Variants in ADGRG4 observed in about 807,000 individuals in gnomAD.
ADGRG4 encodes G protein-coupled receptor 112.
In ADGRG4, 122 loss-of-function variants were observed where a neutral mutation model predicts 126.2. That is an observed-to-expected ratio of 0.97 (90% CI 0.83 to 1.12). The LOEUF (loss-of-function observed/expected upper bound fraction) is 1.12. Among genes scored for constraint, ADGRG4 ranks in the 50% most tolerant of loss-of-function variants. The probability of loss-of-function intolerance (pLI) is 0.00; values close to 1 mark genes in which losing one functional copy is unlikely to be tolerated. For synonymous variants in ADGRG4, 943 were observed against 838.7 expected (o/e 1.12, Z -2.15); for missense variants, 2,481 against 2,251.8 (o/e 1.10, Z -2.06).
chrX:136,322,222 G>A (rs1036804081), intron 4 of ADGRG4, among the ~76,000 whole-genome samples: 1 of 111,488 alleles, frequency 9.0e-6, no homozygotes, highest in Non-Finnish European at 1.9e-5. Flanking sequence ...TTTCAGTATC[G>A]CCCAGCTGGT....
At chrX:136,376,095 T>C (rs957108224) in intron 15 of ADGRG4, among the ~76,000 whole-genome samples, 24 of 111,939 alleles carry the variant, frequency 2.1e-4, no homozygotes, top group Non-Finnish European at 4.5e-4. Context: ...GGGATGGGGA[T>C]CCAGTTTCAT....
chrX:136,316,400 AAAAC>A (rs2074805107), intron 4 of ADGRG4, among the ~76,000 whole-genome samples: 1 of 111,605 alleles, frequency 9.0e-6, no homozygotes, highest in Admixed American at 9.5e-5. Context: ...CTGAAAAAAA[AAAAC>A]AAACCATTCA....
At chrX:136,334,120 CTTTCTTTCTTT>C (rs2074934086) in intron 5 of ADGRG4, among the ~76,000 whole-genome samples, 1 of 94,234 alleles carries the variant, frequency 1.1e-5, no homozygotes, top group Non-Finnish European at 2.1e-5. Context: ...TTCTTTCTTT[CTTTCTTTCTTT>C]CTTTCTTTTT....
At position 136,344,746 on chromosome X, in the gene ADGRG4, C is replaced by A; in HGVS notation, c.1040C>A (p.Ser347Tyr). The change falls in exon 6 of 26, where the codon TCT (serine) becomes TAT (tyrosine). Residue 347 changes from serine to tyrosine, a missense_variant. Physicochemically the swap from Ser to Tyr is moderately radical, Grantham distance 144. Coordinates refer to ENST00000394143, the MANE Select transcript of ADGRG4 (RefSeq NM_153834.4). ...TNSMKKTKSP[S>Y]SESTKTTKMV... ...TCCATGAAAAAAACGAAATCTCCATCTTCAGAAAGCACAAAGACAACAAAA... is the reference window on the plus strand; with the variant it reads ...TCCATGAAAAAAACGAAATCTCCATATTCAGAAAGCACAAAGACAACAAAA... 8.3e-7 allele frequency: 1 copy of A among 1,210,096 alleles called. No individual in the cohort carries two copies.
intron 15 of ADGRG4, among the ~76,000 whole-genome samples, chrX:136,373,809 T>A (rs2148482549): frequency 9.1e-6 from 1 of 110,150 alleles, no homozygotes; most frequent in East Asian, 2.9e-4. Context: ...CACAAAAAAA[T>A]TAAAAAATTA....
chrX:136,380,648 CT>C (rs1285568290), intron 15 of ADGRG4, among the ~76,000 whole-genome samples: 22 of 80,857 alleles, frequency 2.7e-4, no homozygotes, highest in East Asian at 1.3e-3. Flanking sequence ...TCTTCTTCTT[CT>C]TCCTCCTCCT....
Position 136,416,506 on chromosome X carries a change from C to A in ADGRG4, c.*15C>A. On this transcript the variant is annotated 3_prime_UTR_variant, in exon 26 of 26. Transcript: ENST00000394143. Reference sequence around the variant, plus strand: ...CCTCTCCTTGATTTGTGAAGTTGTGCCTAATTATGTAAAAAGAATATAATA... The same window carrying A: ...CCTCTCCTTGATTTGTGAAGTTGTGACTAATTATGTAAAAAGAATATAATA... 8.7e-7 allele frequency: 1 copy of A among 1,152,473 alleles called. No homozygotes were observed. The highest frequency in any genetic ancestry group is 1.2e-6 in the Non-Finnish European group (1 of 845,057). 95.0% of individuals were successfully genotyped at this position (1,152,473 alleles called of 1,213,427 possible).
At chrX:136,330,944 C>G (rs2074905867) in intron 5 of ADGRG4, among the ~76,000 whole-genome samples, 1 of 110,897 alleles carries the variant, frequency 9.0e-6, no homozygotes, top group Non-Finnish European at 1.9e-5. Context: ...CTTATTCTTT[C>G]TAACTTTTTT....
rs372128568 is a variant in ADGRG4, at chrX:136,361,633, T to A, written c.7277+46T>A. 91 of 1,001,826 alleles carry A rather than the reference T, an allele frequency of 9.1e-5. No homozygotes were observed. In the African/African-American group the frequency reaches 1.3e-3, roughly 14 times the overall value. The allele number at this position is 1,001,826 out of a possible 1,213,427, so 82.6% of individuals were successfully genotyped here. A position where few individuals can be genotyped will look rare whatever the true frequency, so the allele number is the denominator to read the frequency against. ...AATTGCTGATTCAGATATACAAAGA[T>A]CTACCTAATTGGGGACATGTTTCTA... is the stretch of plus-strand genomic sequence containing the variant. On this transcript the variant is annotated intron_variant, in intron 12 of 25. Coordinates refer to ENST00000394143, the MANE Select transcript of ADGRG4 (RefSeq NM_153834.4).
intron 22 of ADGRG4, 85 bp downstream of exon 22, chrX:136,403,407 T>A: frequency 1.4e-6 from 1 of 736,881 alleles, no homozygotes; most frequent in Non-Finnish European, 2.1e-6. Context: ...GGGATTGGTC[T>A]TGACCCTTGG....
intron 15 of ADGRG4, among the ~76,000 whole-genome samples, chrX:136,381,526 G>A (rs1477658147): frequency 9.0e-6 from 1 of 111,541 alleles, no homozygotes; most frequent in Non-Finnish European, 1.9e-5. Flanking sequence ...ACCCCACCAA[G>A]CCTGAGATAT....
At chrX:136,392,167 T>C (rs1320993906) in intron 16 of ADGRG4, 65 bp from the exon 17 acceptor site, 3 of 965,898 alleles carry the variant, frequency 3.1e-6, no homozygotes, top group East Asian at 6.5e-5. Flanking sequence ...AAATTCCAGA[T>C]TGATTATTAA....
rs773161666 is a variant in ADGRG4, at chrX:136,359,372, A to G, written c.7061A>G (p.His2354Arg). Residue 2354 changes from histidine (H) to arginine (R), a missense_variant, in exon 11 of 26, where the codon CAT (histidine) becomes CGT (arginine). By Grantham distance (29) the His-to-Arg change is conservative. Coordinates refer to ENST00000394143, the MANE Select transcript of ADGRG4 (RefSeq NM_153834.4). The stretch of plus-strand genomic sequence containing the variant: ...ATGAGAAAAATCAAAAGTAAAATAC[A>G]TGGCAACTTCACACATGGAAACTTC... ...ELMRKIKSKI[H>R]GNFTHGNFTQ... The G allele has an allele frequency of 8.3e-7, 1 of 1,206,243 alleles. No homozygotes were observed. Among genetic ancestry groups the G allele is most frequent in the Admixed American group, 2.2e-5 (1 of 45,957 alleles).
At chrX:136,324,846 C>T (rs1569316901) in intron 5 of ADGRG4, among the ~76,000 whole-genome samples, 1 of 111,974 alleles carries the variant, frequency 8.9e-6, no homozygotes, top group Non-Finnish European at 1.9e-5. Flanking sequence ...AGGCGTCCCT[C>T]TTCCTTTTAG....
chrX:136,404,700 T>C (rs1384138407), intron 22 of ADGRG4, among the ~76,000 whole-genome samples: 2 of 112,347 alleles, frequency 1.8e-5, no homozygotes, highest in Non-Finnish European at 3.8e-5. Flanking sequence ...GAGGTGATTC[T>C]CTACCCAAAC....
chrX:136,399,196 G>A (rs996928188), intron 20 of ADGRG4, among the ~76,000 whole-genome samples: 2 of 111,393 alleles, frequency 1.8e-5, no homozygotes, highest in African/African-American at 3.3e-5. Context: ...GATCTGTGTC[G>A]AAGTTCCACA....
At chrX:136,370,262 G>A (rs373944487) in intron 13 of ADGRG4, among the ~76,000 whole-genome samples, 1 of 111,827 alleles carries the variant, frequency 8.9e-6, no homozygotes, top group Non-Finnish European at 1.9e-5. Flanking sequence ...CTTAACAAAT[G>A]GTATTTTTTA....
chrX:136,365,550 T>A lies in ADGRG4; in HGVS notation c.7396+1955T>A, dbSNP rs775831133. ...TGCACATTTATGTACAGATTTTATG[T>A]AGACATATGTTTTCAATTTTCTCGG... On this transcript the variant is annotated intron_variant, in intron 13 of 25. Coordinates refer to ENST00000394143, the MANE Select transcript of ADGRG4 (RefSeq NM_153834.4). Among the ~76,000 whole-genome samples, 11 of 112,429 alleles carry A rather than the reference T, an allele frequency of 9.8e-5. No homozygotes were observed. In the South Asian group the frequency reaches 4.1e-3, roughly 42 times the overall value.
In ADGRG4 at chrX:136,416,659, G is replaced by A; in HGVS notation, c.*168G>A. The A allele has an allele frequency of 3.1e-6, 1 of 319,142 alleles. No homozygotes were observed. The allele number at this position is 319,142 out of a possible 1,213,427, so 26.3% of individuals were successfully genotyped here. ...GCTACCTGTTCCACCAAAACCTATGGAAATTTAAAAAAAACAAAAATAAAA... is the reference window on the plus strand; with the variant it reads ...GCTACCTGTTCCACCAAAACCTATGAAAATTTAAAAAAAACAAAAATAAAA... On this transcript the variant is annotated 3_prime_UTR_variant, in exon 26 of 26. Transcript: ENST00000394143.
Sources: gnomAD v4.1 joint callset for allele counts (sites outside exome capture counted in the v4.1 genomes callset) on GRCh38, gnomAD v4.1.1 for gene constraint, MANE v1.5 for transcripts, NCBI Gene and HGNC (gene_info 2026-07-23, HGNC 2026-07-21) for gene names.